NTM: variants seen among roughly 807,000 people sequenced by gnomAD.
NTM encodes IgLON family member 2.
NTM carries 13 observed loss-of-function variants against 42.1 expected under a neutral mutation model. The observed-to-expected ratio is 0.31, with a 90% CI of 0.20 to 0.49. The LOEUF is 0.49. Ranked by LOEUF, NTM falls within the 20% of genes least tolerant of loss-of-function variation. The pLI, the probability that NTM is intolerant of heterozygous loss-of-function variation, is 0.99. For synonymous variants in NTM, 187 were observed against 179.2 expected (o/e 1.04, Z -0.35); for missense variants, 373 against 452.8 (o/e 0.82, Z 1.60).
At chr11:132,165,014 A>G (rs1419247868) in intron 3 of NTM, among the ~76,000 whole-genome samples, 3 of 152,088 alleles carry the variant, frequency 2.0e-5, no homozygotes, top group African/African-American at 4.8e-5. Context: ...TGGCCTACAC[A>G]TAGTCTTCTG....
In NTM at chr11:131,683,445, C is replaced by T. The variant is rs188516932; in HGVS notation, c.83-228119C>T. On this transcript the variant is annotated intron_variant, in intron 1 of 8. Coordinates refer to ENST00000683400, the MANE Select transcript of NTM (RefSeq NM_001352005.2). ...GGAAATGAAGGGATAATGCAATAGG[C>T]TCCAGAAGGAATCTGACCAGGTTGA... Among the ~76,000 whole-genome samples the T allele has an allele frequency of 1.6e-3, 251 of 152,314 alleles. 1 individual carries two copies. The highest frequency in any genetic ancestry group is 5.9e-3 in the African/African-American group (245 of 41,568).
At chr11:131,985,412 A>G (rs2065905497) in intron 2 of NTM, among the ~76,000 whole-genome samples, 1 of 152,204 alleles carries the variant, frequency 6.6e-6, no homozygotes, top group South Asian at 2.1e-4. Context: ...AACTAGGGGC[A>G]CATTAGTTGT....
chr11:131,671,526 C>G, intron 1 of NTM: 1 of 980,926 alleles, frequency 1.0e-6, no homozygotes, highest in East Asian at 1.1e-4. Flanking sequence ...GCTGCCCTCA[C>G]CCTCCTCTGG....
rs2079081534 is a variant in NTM at position 131,727,280 on chromosome 11, A to G, written c.83-184284A>G. 1.3e-5 allele frequency among the ~76,000 whole-genome samples: 2 copies of G among 152,262 alleles called. 1 individual carries two copies. Among genetic ancestry groups the G allele is most frequent in the African/African-American group, 4.8e-5 (2 of 41,464 alleles). ...TTTCTTCATCCTTCTAATTACACAT[A>G]TGATGTAGCATAATCAAAAGTATTT... On this transcript the variant is annotated intron_variant, in intron 1 of 8. Transcript: ENST00000683400.
chr11:131,730,540 G>A (rs1329903363), intron 1 of NTM, among the ~76,000 whole-genome samples: 1 of 151,958 alleles, frequency 6.6e-6, no homozygotes, highest in Non-Finnish European at 1.5e-5. Flanking sequence ...TATAGTGAGT[G>A]AGGCCTGGTC....
chr11:131,635,198 T>C (rs1174431123), intron 1 of NTM, among the ~76,000 whole-genome samples: 1 of 152,228 alleles, frequency 6.6e-6, no homozygotes, highest in Non-Finnish European at 1.5e-5. Flanking sequence ...AAATGAGACT[T>C]TTTAAAAGAG....
At chr11:131,613,623 G>A (rs146963328) in intron 1 of NTM, among the ~76,000 whole-genome samples, 2 of 152,214 alleles carry the variant, frequency 1.3e-5, no homozygotes, top group Admixed American at 6.5e-5. Context: ...TCCAGCTTCT[G>A]CTGGTGTGCC....
intron 4 of NTM, among the ~76,000 whole-genome samples, chr11:132,247,545 G>A (rs2091355402): frequency 6.6e-6 from 1 of 151,966 alleles, no homozygotes; most frequent in African/African-American, 2.4e-5. Flanking sequence ...AAATGAATAA[G>A]AAAAAAACAT....
intron 2 of NTM, among the ~76,000 whole-genome samples, chr11:131,995,113 C>T (rs2135177358): frequency 6.6e-6 from 1 of 152,316 alleles, no homozygotes; most frequent in African/African-American, 2.4e-5. Flanking sequence ...CCCAATCTCA[C>T]CTTTCTATCT....
At position 131,976,959 on chromosome 11, in the gene NTM, A is replaced by G. The variant is rs901390210; in HGVS notation, c.167+65311A>G. On this transcript the variant is annotated intron_variant, in intron 2 of 8. Transcript: ENST00000683400. Reference sequence around the variant, plus strand: ...AAATATCGGTGTGTGTGGGTAGTACATGACCACTAATCTTTCCTGACATTT... The same window carrying G: ...AAATATCGGTGTGTGTGGGTAGTACGTGACCACTAATCTTTCCTGACATTT... Among the ~76,000 whole-genome samples, 29 of 152,366 alleles carry G rather than the reference A, an allele frequency of 1.9e-4. 1 individual carries two copies. The highest frequency in any genetic ancestry group is 3.2e-4 in the Non-Finnish European group (22 of 68,034).
At chr11:132,038,802 G>C (rs1007132771) in intron 2 of NTM, among the ~76,000 whole-genome samples, 1 of 152,140 alleles carries the variant, frequency 6.6e-6, no homozygotes, top group Non-Finnish European at 1.5e-5. Context: ...AGGACGTCTC[G>C]CCTGTCTGCC....
At chr11:132,274,472 A>G (rs1032103327) in intron 4 of NTM, among the ~76,000 whole-genome samples, 1 of 152,154 alleles carries the variant, frequency 6.6e-6, no homozygotes, top group Non-Finnish European at 1.5e-5. Context: ...TATAATTTGA[A>G]ATAAATTCCA....
intron 1 of NTM, among the ~76,000 whole-genome samples, chr11:131,414,520 C>T (rs989284625): frequency 6.6e-6 from 1 of 152,198 alleles, no homozygotes; most frequent in African/African-American, 2.4e-5. Flanking sequence ...CAGGTTCTTT[C>T]TGAAGTTCAG....
chr11:131,936,011 T>TTATATATATATATATATATATA (rs559967974), intron 2 of NTM, among the ~76,000 whole-genome samples: 3 of 151,828 alleles, frequency 2.0e-5, no homozygotes, highest in African/African-American at 7.3e-5. Context: ...CATGGAAATT[T>TTATATATATATATATATATATA]TATATATATA....
intron 1 of NTM, among the ~76,000 whole-genome samples, chr11:131,597,242 T>A (rs946078969): frequency 2.6e-5 from 4 of 152,168 alleles, no homozygotes. Flanking sequence ...TAGGGGCCCC[T>A]TTAATGCCAC....
chr11:131,899,156 T>C (rs1324724041), intron 1 of NTM, among the ~76,000 whole-genome samples: 1 of 140,734 alleles, frequency 7.1e-6, no homozygotes, highest in Admixed American at 6.9e-5. Context: ...GTGTCCAAGG[T>C]AAATTCAGAG....
In NTM at chr11:131,718,670, C is replaced by A. The variant is rs117903898; in HGVS notation, c.83-192894C>A. On this transcript the variant is annotated intron_variant, in intron 1 of 8. Transcript: ENST00000683400. ...GTCCTCTGCTGGATGCTCAAGGGAACCCTCTGCAGATCTCAGGAGTTCTCT... is the reference window on the plus strand; with the variant it reads ...GTCCTCTGCTGGATGCTCAAGGGAAACCTCTGCAGATCTCAGGAGTTCTCT... Among the ~76,000 whole-genome samples the A allele has an allele frequency of 3.4e-3, 515 of 152,180 alleles. 23 individuals are homozygous for A. The East Asian group carries it at 0.079, about 23-fold the overall frequency.
At chr11:131,581,370 AGAGG>A (rs547173171) in intron 1 of NTM, among the ~76,000 whole-genome samples, 32 of 152,322 alleles carry the variant, frequency 2.1e-4, no homozygotes, top group African/African-American at 7.5e-4. Flanking sequence ...TGCTTCAAGG[AGAGG>A]GAGGAAGTCT....
At chr11:131,795,115 A>T in intron 1 of NTM, 2 of 503,758 alleles carry the variant, frequency 4.0e-6, no homozygotes, top group South Asian at 1.7e-4. Context: ...TTACTTTTTC[A>T]TTAAAAGTAT....
Sources: gnomAD v4.1 joint callset for allele counts (sites outside exome capture counted in the v4.1 genomes callset) on GRCh38, gnomAD v4.1.1 for gene constraint, MANE v1.5 for transcripts, NCBI Gene and HGNC (gene_info 2026-07-23, HGNC 2026-07-21) for gene names.